GBP3: variants seen among roughly 807,000 people sequenced by gnomAD.
The protein encoded by GBP3 is guanylate-binding protein 3.
Under a neutral mutation model 62.4 loss-of-function variants are expected in GBP3, and 55 were observed. That is an observed-to-expected ratio of 0.88 (90% confidence interval 0.71 to 1.10). The LOEUF is 1.10. GBP3 is among the 50% of genes least tolerant of loss of function. The pLI is 0.00. For synonymous variants in GBP3, 208 were observed against 259.2 expected, an observed-to-expected ratio of 0.80 and a Z score of 1.90; for missense variants, 605 against 690.6, an observed-to-expected ratio of 0.88 and a Z score of 1.39.
At chr1:89,017,211 T>C (rs920432299) in intron 2 of GBP3, among the ~76,000 whole-genome samples, 2 of 151,882 alleles carry the variant, frequency 1.3e-5, no homozygotes, top group African/African-American at 4.8e-5. Context: ...CTCTCACATC[T>C]ATAGTCAAAA....
chr1:89,017,649 C>G (rs1479864516), intron 2 of GBP3, among the ~76,000 whole-genome samples: 1 of 152,132 alleles, frequency 6.6e-6, no homozygotes, highest in African/African-American at 2.4e-5. Context: ...AAAGAAAGAA[C>G]TTGAATAGAC....
intron 1 of GBP3, among the ~76,000 whole-genome samples, chr1:89,021,077 A>G (rs1432295251): frequency 6.6e-6 from 1 of 152,194 alleles, no homozygotes; most frequent in Non-Finnish European, 1.5e-5. Flanking sequence ...CATCCTGGCT[A>G]TATGTAAGAA....
intron 1 of GBP3, among the ~76,000 whole-genome samples, chr1:89,021,899 GGGA>G (rs1679257266): frequency 6.7e-6 from 1 of 150,314 alleles, no homozygotes; most frequent in Non-Finnish European, 1.5e-5. Flanking sequence ...AGGAATTCAG[GGGA>G]GGAGTTTTCA....
intron 3 of GBP3, among the ~76,000 whole-genome samples, 199 bp from the exon 4 acceptor site, chr1:89,014,855 A>T (rs1334032183): frequency 6.6e-6 from 1 of 152,228 alleles, no homozygotes; most frequent in Non-Finnish European, 1.5e-5. Context: ...TTTTTGGTAT[A>T]CACTGATTCT....
At position 89,007,710 on chromosome 1, in the gene GBP3, A is replaced by T. The variant is rs533666373; in HGVS notation, c.*14T>A. ...GTTATGCCTTGGGTTAGGATGACAG[A>T]AAAGCTCTGTTGTTTAGATCTTTAG... On this transcript the variant is annotated 3_prime_UTR_variant, in exon 11 of 11. Transcript: ENST00000370481. The T allele has an allele frequency of 6.2e-7, 1 of 1,604,708 alleles. No homozygotes were observed. Among genetic ancestry groups the T allele is most frequent in the African/African-American group, 1.3e-5 (1 of 74,370 alleles).
intron 10 of GBP3, among the ~76,000 whole-genome samples, chr1:89,008,223 T>C (rs1004027550): frequency 1.3e-5 from 2 of 151,892 alleles, no homozygotes; most frequent in African/African-American, 4.8e-5. Context: ...ATACACATAA[T>C]ACAGAGATAA....
chr1:89,012,008 C>T lies in GBP3; in HGVS notation c.888G>A (p.Leu296=). 1 of 1,462,010 alleles carries T rather than the reference C, an allele frequency of 6.8e-7. No individual in the cohort carries two copies. Among genetic ancestry groups the T allele is most frequent in the Non-Finnish European group, 9.5e-7 (1 of 1,054,964 alleles). 90.6% of individuals were successfully genotyped at this position (1,462,010 alleles called of 1,614,324 possible). Residue 296 remains leucine, a synonymous_variant, in exon 7 of 11, where the codon CTG becomes CTA. Transcript: ENST00000370481. ...CTCTGCTGATAGCATTGATATAGGT[C>T]AGCACTAGGCTCTCTAGACCTACAT... ...VNGPRLESLV[L]TYINAISRGD...
chr1:89,015,461 G>A, intron 2 of GBP3, 47 bp from the exon 3 acceptor site: 1 of 1,573,458 alleles, frequency 6.4e-7, no homozygotes, highest in Non-Finnish European at 8.6e-7. Context: ...TTAATAGCAG[G>A]TACTTCAGGA....
rs554914087 is a variant in GBP3, at chr1:89,016,975, A to AT, written c.191-1562dup. Among the ~76,000 whole-genome samples the AT allele has an allele frequency of 8.8e-4, 134 of 152,308 alleles. 1 individual carries two copies. Among genetic ancestry groups the AT allele is most frequent in the African/African-American group, 3.0e-3 (126 of 41,570 alleles). On this transcript the variant is annotated intron_variant, in intron 2 of 10. Coordinates refer to ENST00000370481, the MANE Select transcript of GBP3 (RefSeq NM_018284.3). ...TGCAATCCCTATCAAAATTCCAATG[A>AT]TTTTTTTATAAATAAAAACATCAAA...
intron 5 of GBP3, chr1:89,013,655 T>C: frequency 1.9e-6 from 1 of 535,164 alleles, no homozygotes; most frequent in South Asian, 2.4e-5. Context: ...CCATCATTTG[T>C]CTTAGGCTGC....
chr1:89,017,518 C>T (rs1678950006), intron 2 of GBP3, among the ~76,000 whole-genome samples: 1 of 152,090 alleles, frequency 6.6e-6, no homozygotes, highest in Non-Finnish European at 1.5e-5. Context: ...ACACTATCAA[C>T]AGAATAAAAA....
chr1:89,007,984 A>G, intron 10 of GBP3, 132 bp from the exon 11 acceptor site: 1 of 812,186 alleles, frequency 1.2e-6, no homozygotes, highest in Non-Finnish European at 1.8e-6. Flanking sequence ...CTTGATTTTA[A>G]TTATAGTTTT....
At position 89,020,643 on chromosome 1, in the gene GBP3, C is replaced by T. The variant is rs747428297; in HGVS notation, c.79G>A (p.Ala27Thr). Residue 27 changes from alanine to threonine, a missense_variant, in exon 2 of 11, where the codon GCT (alanine) becomes ACT (threonine). Transcript: ENST00000370481. ...TNGELVANPE[A>T]LKILSAITQP... ...GTAATGGCAGACAGGATTTTCAGAG[C>T]TTCTGGATTCGCCACCAGTTCCCCA... 10 of 1,614,064 alleles carry T rather than the reference C, an allele frequency of 6.2e-6. 1 individual carries two copies. The highest frequency in any genetic ancestry group is 5.0e-5 in the Admixed American group (3 of 59,996).
At chr1:89,021,304 C>A (rs971491632) in intron 1 of GBP3, among the ~76,000 whole-genome samples, 2 of 152,150 alleles carry the variant, frequency 1.3e-5, no homozygotes, top group African/African-American at 4.8e-5. Flanking sequence ...ATGTAACATA[C>A]TTTTGCAAAT....
intron 10 of GBP3, among the ~76,000 whole-genome samples, chr1:89,008,095 T>TC (rs1678337250): frequency 6.6e-6 from 1 of 152,108 alleles, no homozygotes; most frequent in Admixed American, 6.6e-5. Context: ...CTTGCTTTTT[T>TC]CCCCCTATTA....
At position 89,015,341 on chromosome 1, in the gene GBP3, C is replaced by T; in HGVS notation, c.264G>A (p.Lys88=). ...IWMWCVPHPK[K]PEHTLVLLDT... The stretch of plus-strand genomic sequence containing the variant: ...CAAGCAGGACTAAGGTGTGTTCTGG[C>T]TTTTTGGGGTGAGGCACACACCACA... Residue 88 remains lysine, a synonymous_variant, in exon 3 of 11, where the codon AAG becomes AAA. Coordinates refer to ENST00000370481, the MANE Select transcript of GBP3 (RefSeq NM_018284.3). 6.2e-7 allele frequency: 1 copy of T among 1,613,474 alleles called. No individual in the cohort carries two copies. Among genetic ancestry groups the T allele is most frequent in the Non-Finnish European group, 8.5e-7 (1 of 1,179,718 alleles).
intron 10 of GBP3, 23 bp downstream of exon 10, chr1:89,008,924 C>G (rs1678388756): frequency 6.2e-7 from 1 of 1,613,736 alleles, no homozygotes; most frequent in Admixed American, 1.7e-5. Flanking sequence ...AAAAACGAAC[C>G]ACAAGGTGAT....
intron 10 of GBP3, among the ~76,000 whole-genome samples, chr1:89,008,557 G>C (rs1678366611): frequency 1.3e-5 from 2 of 150,030 alleles, no homozygotes; most frequent in African/African-American, 4.9e-5. Context: ...AGATGGGTCA[G>C]ATATTTACTA....
chr1:89,010,124 AT>A (rs3065858), intron 8 of GBP3, among the ~76,000 whole-genome samples: 17,302 of 144,338 alleles, frequency 0.12, 1,713 homozygotes, highest in African/African-American at 0.29. Context: ...TAATTAACTA[AT>A]TTTTTTTTTT....
Sources: allele counts gnomAD v4.1 joint callset (sites outside exome capture counted in the v4.1 genomes callset), GRCh38; gene constraint gnomAD v4.1.1; transcripts MANE v1.5; gene names NCBI Gene and HGNC (gene_info 2026-07-23, HGNC 2026-07-21).